Variants in SAMMSON observed in about 807,000 individuals in gnomAD.
SAMMSON encodes survival associated mitochondrial melanoma specific oncogenic non-coding RNA, also known as long intergenic non-protein coding RNA 1212.
intron 4 of SAMMSON, among the ~76,000 whole-genome samples, chr3:70,147,605 G>A (rs1316990197): frequency 2.0e-5 from 3 of 152,028 alleles, no homozygotes; most frequent in African/African-American, 4.8e-5. Flanking sequence ...AAAACCATAT[G>A]CAAGAAAATA....
intron 4 of SAMMSON, among the ~76,000 whole-genome samples, chr3:70,116,574 T>G (rs1001311997): frequency 3.3e-5 from 5 of 151,982 alleles, no homozygotes; most frequent in African/African-American, 1.2e-4. Flanking sequence ...TTCTTAAAAC[T>G]AAATAAAAAA....
chr3:70,236,439 A>G (rs1701609804), intron 4 of SAMMSON, among the ~76,000 whole-genome samples: 1 of 152,134 alleles, frequency 6.6e-6, no homozygotes, highest in African/African-American at 2.4e-5. Context: ...TTTGTTTATT[A>G]GCCTTAAGAT....
intron 2 of SAMMSON, among the ~76,000 whole-genome samples, chr3:70,414,035 A>C (rs1439903552): frequency 6.6e-6 from 1 of 152,146 alleles, no homozygotes. Flanking sequence ...AAAAGAGCTT[A>C]ATAAATAGAA....
intron 3 of SAMMSON, among the ~76,000 whole-genome samples, chr3:70,032,223 A>G (rs753299226): frequency 4.6e-5 from 7 of 152,148 alleles, no homozygotes; most frequent in Admixed American, 2.0e-4. Flanking sequence ...CCATATTTGT[A>G]TTGAATTTAT....
intron 3 of SAMMSON, among the ~76,000 whole-genome samples, chr3:70,016,422 G>C (rs1300840977): frequency 6.6e-6 from 1 of 152,064 alleles, no homozygotes; most frequent in African/African-American, 2.4e-5. Flanking sequence ...CACTCACTTT[G>C]TGATGGGGTT....
chr3:70,167,381 A>C (rs1366542381), intron 4 of SAMMSON, among the ~76,000 whole-genome samples: 1 of 152,060 alleles, frequency 6.6e-6, no homozygotes, highest in Non-Finnish European at 1.5e-5. Context: ...AACATCTTCT[A>C]ATAGATGATC....
At chr3:70,348,650 C>G (rs539840080) in intron 7 of SAMMSON, among the ~76,000 whole-genome samples, 105 of 152,208 alleles carry the variant, frequency 6.9e-4, no homozygotes, top group African/African-American at 2.5e-3. Context: ...AACATTTAGT[C>G]TATAGTAGGT....
At chr3:70,384,637 G>A (rs1048791981) in intron 9 of SAMMSON, among the ~76,000 whole-genome samples, 3 of 152,018 alleles carry the variant, frequency 2.0e-5, no homozygotes, top group African/African-American at 7.2e-5. Flanking sequence ...AATAGCAGGG[G>A]CCCCGCAACA....
intron 4 of SAMMSON, among the ~76,000 whole-genome samples, chr3:70,223,858 T>A (rs548364913): frequency 6.6e-6 from 1 of 152,120 alleles, no homozygotes; most frequent in Non-Finnish European, 1.5e-5. Flanking sequence ...AGACTTAATC[T>A]TTTTTCTCCC....
chr3:70,180,219 T>A (rs1483719628), intron 4 of SAMMSON, among the ~76,000 whole-genome samples: 1 of 152,106 alleles, frequency 6.6e-6, no homozygotes, highest in Admixed American at 6.6e-5. Flanking sequence ...TATTTCTTCA[T>A]AGATAAAATG....
At chr3:70,394,937 T>G (rs1358901882) in intron 2 of SAMMSON, among the ~76,000 whole-genome samples, 1 of 152,240 alleles carries the variant, frequency 6.6e-6, no homozygotes, top group African/African-American at 2.4e-5. Context: ...AATTAGTTTT[T>G]GTCCATTACT....
At chr3:70,102,934 G>A (rs568922898) in intron 4 of SAMMSON, among the ~76,000 whole-genome samples, 3 of 152,302 alleles carry the variant, frequency 2.0e-5, no homozygotes, top group Admixed American at 6.5e-5. Flanking sequence ...TTAAAGGGAA[G>A]CAGACCAGCC....
intron 7 of SAMMSON, among the ~76,000 whole-genome samples, chr3:70,310,825 T>G (rs528345333): frequency 4.6e-5 from 7 of 152,100 alleles, no homozygotes; most frequent in African/African-American, 1.4e-4. Flanking sequence ...TTTTTTTTCT[T>G]TGGAACATGA....
chr3:70,173,955 A>T (rs1700984319), intron 4 of SAMMSON, among the ~76,000 whole-genome samples: 1 of 151,944 alleles, frequency 6.6e-6, no homozygotes, highest in South Asian at 2.1e-4. Flanking sequence ...TAGAATGGAT[A>T]GGAATCTGAA....
chr3:70,251,316 A>G, intron 6 of SAMMSON, among the ~76,000 whole-genome samples: 1 of 152,298 alleles, frequency 6.6e-6, no homozygotes, highest in South Asian at 2.1e-4. Context: ...GATTTACTGC[A>G]GTCTTCAGTC....
chr3:70,110,554 C>T (rs2067384501), intron 4 of SAMMSON, among the ~76,000 whole-genome samples: 1 of 152,152 alleles, frequency 6.6e-6, no homozygotes, highest in Admixed American at 6.5e-5. Flanking sequence ...CCCTATTTCT[C>T]TTTCAGAGCT....
rs1167175799 is a variant in SAMMSON at position 70,288,026 on chromosome 3, T to G, written n.675-3153T>G. Among the ~76,000 whole-genome samples, 141 of 151,914 alleles carry G rather than the reference T, an allele frequency of 9.3e-4. 3 individuals carry two copies. In the South Asian group the frequency reaches 0.021, roughly 23 times the overall value. On this transcript the variant is annotated intron_variant and non_coding_transcript_variant, in intron 6 of 9. Coordinates refer to ENST00000642114, the Ensembl canonical transcript of SAMMSON. The stretch of plus-strand genomic sequence containing the variant: ...AAAAACCAGCTCCTGGATTCATTAA[T>G]TTTTTGAAGGGTTTTTTGTGTCTCT...
chr3:70,312,866 A>G (rs1026062695), intron 7 of SAMMSON: 1 of 152,076 alleles, frequency 6.6e-6, no homozygotes, highest in African/African-American at 2.4e-5. Flanking sequence ...TTTCAACTGG[A>G]CCAAGTTTCT....
At chr3:70,252,283 G>A (rs138804375) in intron 6 of SAMMSON, among the ~76,000 whole-genome samples, 8 of 152,182 alleles carry the variant, frequency 5.3e-5, no homozygotes, top group South Asian at 2.1e-4. Context: ...TATATGTATC[G>A]TATGCTGTGA....
Sources: allele counts gnomAD v4.1 joint callset (sites outside exome capture counted in the v4.1 genomes callset), GRCh38; gene constraint gnomAD v4.1.1; transcripts MANE v1.5; gene names NCBI Gene and HGNC (gene_info 2026-07-23, HGNC 2026-07-21).